SGCD: variants seen among roughly 807,000 people sequenced by gnomAD.
The protein encoded by SGCD is sarcoglycan delta, also known as delta-sarcoglycan.
Under a neutral mutation model 36.6 loss-of-function variants are expected in SGCD, and 18 were observed. The observed-to-expected ratio is 0.49, with a 90% CI of 0.34 to 0.73. The LOEUF is 0.73. SGCD is among the 30% of genes least tolerant of loss of function. SGCD has a pLI of 0.01. For synonymous variants in SGCD, 133 were observed against 130.6 expected (o/e 1.02, Z -0.12); for missense variants, 387 against 346.7 (o/e 1.12, Z -0.92).
intron 3 of SGCD, among the ~76,000 whole-genome samples, chr5:156,489,874 A>C (rs1755859445): frequency 6.6e-6 from 1 of 152,016 alleles, no homozygotes; most frequent in African/African-American, 2.4e-5. Context: ...TAAAGATCAC[A>C]ATAGAACTAA....
intron 1 of SGCD, among the ~76,000 whole-genome samples, chr5:156,088,400 T>A (rs569730216): frequency 1.3e-5 from 2 of 152,292 alleles, no homozygotes; most frequent in African/African-American, 4.8e-5. Flanking sequence ...TCTATTCCCC[T>A]GTCCACTACT....
chr5:156,216,519 A>G (rs1239881422), intron 3 of SGCD, among the ~76,000 whole-genome samples: 1 of 152,192 alleles, frequency 6.6e-6, no homozygotes, highest in Admixed American at 6.5e-5. Flanking sequence ...TGTGTAAAGC[A>G]TGTTAATACT....
In SGCD at chr5:156,759,315, C is replaced by G; in HGVS notation, c.798C>G (p.Cys266Trp). 1 of 1,613,232 alleles carries G rather than the reference C, an allele frequency of 6.2e-7. No individual in the cohort carries two copies. The highest frequency in any genetic ancestry group is 8.5e-7 in the Non-Finnish European group (1 of 1,179,292). Residue 266 changes from cysteine (C) to tryptophan (W), a missense_variant, in exon 9 of 9, where the codon TGC (cysteine) becomes TGG (tryptophan). Cys to Trp is a radical substitution (Grantham distance 215, BLOSUM62 -2). Coordinates refer to ENST00000337851, the MANE Select transcript of SGCD (RefSeq NM_000337.6). ...TRQKVFEICV[C>W]ANGRLFLSQA... is the part of the protein sequence containing the mutation. The stretch of plus-strand genomic sequence containing the variant: ...AGAAGGTCTTCGAGATCTGCGTCTG[C>G]GCCAATGGGAGATTATTCCTGTCTC...
Position 155,997,627 on chromosome 5 carries a change from C to T in SGCD, c.-281-120251C>T, listed in dbSNP as rs114029145. On this transcript the variant is annotated intron_variant, in intron 1 of 9. Transcript: ENST00000517913. ...GCTTTTGCCAGAGAATTTGTTCTTC[C>T]AGCCCCACAGGCAATTGTATACATT... Among the ~76,000 whole-genome samples the T allele has an allele frequency of 1.6e-3, 249 of 152,354 alleles. 1 individual carries two copies. Among genetic ancestry groups the T allele is most frequent in the Non-Finnish European group, 2.8e-3 (191 of 68,036 alleles).
At chr5:156,747,204 C>T (rs1756975948) in intron 7 of SGCD, among the ~76,000 whole-genome samples, 1 of 152,166 alleles carries the variant, frequency 6.6e-6, no homozygotes, top group South Asian at 2.1e-4. Flanking sequence ...CCCTCAACAT[C>T]AATGGTGATA....
intron 3 of SGCD, among the ~76,000 whole-genome samples, chr5:156,254,673 AC>A (rs1291744694): frequency 1.3e-5 from 2 of 151,724 alleles, no homozygotes; most frequent in African/African-American, 4.8e-5. Flanking sequence ...ACATAGCGAG[AC>A]TCCATCTCTA....
chr5:155,898,021 G>A (rs1756306083), intron 1 of SGCD, among the ~76,000 whole-genome samples: 1 of 152,206 alleles, frequency 6.6e-6, no homozygotes, highest in African/African-American at 2.4e-5. Flanking sequence ...ATGAGTATAT[G>A]AATGAATACA....
At chr5:156,162,654 A>G (rs1341463726) in intron 3 of SGCD, among the ~76,000 whole-genome samples, 1 of 151,584 alleles carries the variant, frequency 6.6e-6, no homozygotes, top group Non-Finnish European at 1.5e-5. Context: ...CTTGAGGACT[A>G]TTTGAACCTC....
chr5:155,936,092 A>G (rs1194370900), intron 1 of SGCD, among the ~76,000 whole-genome samples: 1 of 152,124 alleles, frequency 6.6e-6, no homozygotes, highest in African/African-American at 2.4e-5. Flanking sequence ...CAAAGAGGGT[A>G]TTACAGTCCT....
chr5:156,260,523 C>G (rs1447417046), intron 3 of SGCD, among the ~76,000 whole-genome samples: 1 of 151,978 alleles, frequency 6.6e-6, no homozygotes, highest in African/African-American at 2.4e-5. Flanking sequence ...TTTCTGAATA[C>G]CCATTGTTAG....
chr5:156,747,756 C>G, intron 7 of SGCD, among the ~76,000 whole-genome samples: 1 of 152,050 alleles, frequency 6.6e-6, no homozygotes, highest in East Asian at 1.9e-4. Context: ...ACGTCCAGCC[C>G]ACGTTGAGGG....
intron 3 of SGCD, among the ~76,000 whole-genome samples, chr5:156,152,169 G>A (rs1241143800): frequency 6.6e-6 from 1 of 151,476 alleles, no homozygotes. Flanking sequence ...ACAAACTTGA[G>A]TTCATTTAAT....
intron 7 of SGCD, among the ~76,000 whole-genome samples, chr5:156,673,584 C>G (rs1753392634): frequency 6.6e-6 from 1 of 152,258 alleles, no homozygotes; most frequent in Non-Finnish European, 1.5e-5. Flanking sequence ...TGATAATTTT[C>G]CTTGCCTGGC....
At chr5:155,911,353 C>G (rs189383674) in intron 1 of SGCD, among the ~76,000 whole-genome samples, 2 of 147,164 alleles carry the variant, frequency 1.4e-5, no homozygotes, top group Admixed American at 1.4e-4. Flanking sequence ...CAGAATAATT[C>G]TTTACCAAGA....
chr5:156,763,601 T>C lies in SGCD; in HGVS notation c.*4211T>C, dbSNP rs569000040. ...ATAACAACAACAACAAAAACATATT[T>C]TGAAAAGACATATTCTGACATCTCT... On this transcript the variant is annotated 3_prime_UTR_variant, in exon 9 of 9. Coordinates refer to ENST00000337851, the MANE Select transcript of SGCD (RefSeq NM_000337.6). 47 of 152,262 alleles carry C rather than the reference T, an allele frequency of 3.1e-4. No individual in the cohort carries two copies. The highest frequency in any genetic ancestry group is 1.1e-3 in the African/African-American group (45 of 41,544). 9.4% of individuals were successfully genotyped at this position (152,262 alleles called of 1,614,324 possible).
At chr5:156,586,278 G>A (rs1440810381) in intron 4 of SGCD, among the ~76,000 whole-genome samples, 1 of 152,082 alleles carries the variant, frequency 6.6e-6, no homozygotes. Context: ...TGTTTAGATG[G>A]GGATTATGGA....
chr5:156,736,080 G>T (rs560190265), intron 7 of SGCD, among the ~76,000 whole-genome samples: 1 of 152,122 alleles, frequency 6.6e-6, no homozygotes, highest in Non-Finnish European at 1.5e-5. Flanking sequence ...CAGATGGGCC[G>T]TCGTCCTGCC....
At chr5:155,936,173 T>A (rs764434182) in intron 1 of SGCD, among the ~76,000 whole-genome samples, 3 of 152,182 alleles carry the variant, frequency 2.0e-5, no homozygotes, top group Non-Finnish European at 4.4e-5. Flanking sequence ...CTTCTCGGCA[T>A]CTGCAATGTG....
At chr5:156,404,543 T>C (rs1400870999) in intron 3 of SGCD, among the ~76,000 whole-genome samples, 4 of 152,208 alleles carry the variant, frequency 2.6e-5, no homozygotes, top group East Asian at 3.8e-4. Flanking sequence ...TATTTTGTCT[T>C]ATTTCTTCCC....
Sources: gnomAD v4.1 joint callset for allele counts (sites outside exome capture counted in the v4.1 genomes callset) on GRCh38, gnomAD v4.1.1 for gene constraint, MANE v1.5 for transcripts, NCBI Gene and HGNC (gene_info 2026-07-23, HGNC 2026-07-21) for gene names.